The following SEMA3E variants were observed in gnomAD, a reference collection of about 807,000 sequenced individuals.
SEMA3E encodes the protein semaphorin 3E.
SEMA3E carries 49 observed loss-of-function variants against 93.6 expected under a neutral mutation model. The observed-to-expected ratio is 0.52, with a 90% CI of 0.42 to 0.66. SEMA3E has a LOEUF of 0.66. Among genes scored for constraint, SEMA3E ranks in the 30% least tolerant of loss-of-function variants. The pLI, the probability that SEMA3E is intolerant of heterozygous loss-of-function variation, is 0.00. For missense variants in SEMA3E, 906 were observed against 964.8 expected (o/e 0.94, Z 0.81); for synonymous variants, 363 against 330.7 (o/e 1.10, Z -1.06).
At chr7:83,524,265 C>T (rs998106166) in intron 1 of SEMA3E, among the ~76,000 whole-genome samples, 1 of 151,974 alleles carries the variant, frequency 6.6e-6, no homozygotes, top group Non-Finnish European at 1.5e-5. Context: ...ACCTGAGGTA[C>T]CTTAGAGGAA....
intron 1 of SEMA3E, among the ~76,000 whole-genome samples, chr7:83,554,840 G>A (rs1392389507): frequency 6.6e-6 from 1 of 152,074 alleles, no homozygotes; most frequent in Non-Finnish European, 1.5e-5. Context: ...AGCCTGGCGT[G>A]GTGGCGGGCG....
intron 1 of SEMA3E, chr7:83,641,345 G>A (rs1359725284): frequency 2.0e-6 from 2 of 984,072 alleles, no homozygotes; most frequent in African/African-American, 1.7e-5. Context: ...TTCATCTAAG[G>A]GAAGGCAAAG....
At chr7:83,378,011 T>G (rs1787686379) in intron 16 of SEMA3E, among the ~76,000 whole-genome samples, 1 of 151,924 alleles carries the variant, frequency 6.6e-6, no homozygotes, top group South Asian at 2.1e-4. Flanking sequence ...AAATTGAGTC[T>G]TCATAAACCA....
chr7:83,555,569 G>A (rs74811307), intron 1 of SEMA3E, among the ~76,000 whole-genome samples: 2,534 of 152,176 alleles, frequency 0.017, 67 homozygotes, highest in African/African-American at 0.058. Context: ...CTACAATGAG[G>A]CTTAAAGAAG....
chr7:83,559,244 G>T (rs1240011315), intron 1 of SEMA3E, among the ~76,000 whole-genome samples: 1 of 151,990 alleles, frequency 6.6e-6, no homozygotes, highest in Non-Finnish European at 1.5e-5. Flanking sequence ...TTAACAAATG[G>T]TATTTGACAA....
intron 1 of SEMA3E, among the ~76,000 whole-genome samples, chr7:83,566,183 C>G (rs967169610): frequency 2.8e-5 from 4 of 140,460 alleles, no homozygotes; most frequent in African/African-American, 1.1e-4. Flanking sequence ...TTTTTTTGTA[C>G]TTTTAGTAGA....
At chr7:83,404,725 G>A (rs79120034) in intron 9 of SEMA3E, among the ~76,000 whole-genome samples, 1 of 152,066 alleles carries the variant, frequency 6.6e-6, no homozygotes, top group Non-Finnish European at 1.5e-5. Context: ...AAGATAGAGA[G>A]CAAATGATGA....
chr7:83,522,684 A>G (rs1420246725), intron 1 of SEMA3E, among the ~76,000 whole-genome samples: 6 of 152,116 alleles, frequency 3.9e-5, no homozygotes, highest in African/African-American at 1.4e-4. Flanking sequence ...CCATGACATT[A>G]TTAAGAAGAT....
intron 4 of SEMA3E, among the ~76,000 whole-genome samples, chr7:83,433,463 C>A (rs1281069808): frequency 6.6e-6 from 1 of 152,068 alleles, no homozygotes; most frequent in Non-Finnish European, 1.5e-5. Context: ...TTATGACAAG[C>A]TCCTAACTAA....
intron 1 of SEMA3E, among the ~76,000 whole-genome samples, chr7:83,618,457 TTG>T (rs1210129729): frequency 6.6e-6 from 1 of 152,022 alleles, no homozygotes; most frequent in African/African-American, 2.4e-5. Context: ...TTATAAGAGT[TTG>T]TATTTAATAG....
intron 1 of SEMA3E, among the ~76,000 whole-genome samples, chr7:83,629,267 C>T (rs1793737655): frequency 6.6e-6 from 1 of 152,168 alleles, no homozygotes; most frequent in Non-Finnish European, 1.5e-5. Context: ...GGTATCTTCC[C>T]ATCAGGAGGC....
At chr7:83,645,868 C>T (rs3801583) in intron 1 of SEMA3E, among the ~76,000 whole-genome samples, 8,601 of 151,984 alleles carry the variant, frequency 0.057, 398 homozygotes, top group East Asian at 0.2. Context: ...AATCTCTGGA[C>T]ATTTTTTTTC....
chr7:83,540,148 G>A (rs1791491525), intron 1 of SEMA3E, among the ~76,000 whole-genome samples: 1 of 152,166 alleles, frequency 6.6e-6, no homozygotes, highest in African/African-American at 2.4e-5. Context: ...CTTGCAAACT[G>A]CTGGGATTAC....
rs1405901950 is a variant in SEMA3E, at chr7:83,364,075, T to C, written c.*3511A>G. ...GCGCCCGGCTAATTTTTTGTATTTT[T>C]AGTAGAGACGGGGTTTCACCTTGTT... On this transcript the variant is annotated 3_prime_UTR_variant, in exon 17 of 17. Coordinates refer to ENST00000643230, the MANE Select transcript of SEMA3E (RefSeq NM_012431.3). The C allele has an allele frequency of 6.6e-6, 1 of 150,828 alleles. No individual in the cohort carries two copies. The highest frequency in any genetic ancestry group is 1.5e-5 in the Non-Finnish European group (1 of 67,768). 9.3% of individuals were successfully genotyped at this position (150,828 alleles called of 1,614,324 possible).
At chr7:83,390,055 G>GTATACACATATATACGCGTA (rs1584213036) in intron 14 of SEMA3E, among the ~76,000 whole-genome samples, 4 of 125,850 alleles carry the variant, frequency 3.2e-5, no homozygotes, top group East Asian at 2.3e-4. Context: ...GCGCGTATAC[G>GTATACACATATATACGCGTA]TGTGCACATA....
chr7:83,613,018 T>C (rs1584364354), intron 1 of SEMA3E, among the ~76,000 whole-genome samples: 2 of 152,090 alleles, frequency 1.3e-5, no homozygotes. Flanking sequence ...TTTAAATACA[T>C]TTAAATAATT....
chr7:83,451,410 T>A (rs1275512109), intron 4 of SEMA3E, among the ~76,000 whole-genome samples: 1 of 152,210 alleles, frequency 6.6e-6, no homozygotes, highest in Admixed American at 6.5e-5. Flanking sequence ...TGAAATTTTT[T>A]AATTTAGACT....
At chr7:83,426,727 C>G (rs1174856618) in intron 4 of SEMA3E, among the ~76,000 whole-genome samples, 1 of 152,164 alleles carries the variant, frequency 6.6e-6, no homozygotes, top group Non-Finnish European at 1.5e-5. Context: ...TAGGTTTACT[C>G]TAGAGCATTT....
At chr7:83,396,981 C>T (rs1788135705) in intron 11 of SEMA3E, among the ~76,000 whole-genome samples, 2 of 151,252 alleles carry the variant, frequency 1.3e-5, no homozygotes, top group Admixed American at 1.3e-4. Context: ...ACTTGGGAGG[C>T]TGAGGAAGGA....
Sources: gnomAD v4.1 joint callset for allele counts (sites outside exome capture counted in the v4.1 genomes callset) on GRCh38, gnomAD v4.1.1 for gene constraint, MANE v1.5 for transcripts, NCBI Gene and HGNC (gene_info 2026-07-23, HGNC 2026-07-21) for gene names.